Variants in DNMT3A observed in about 807,000 individuals in gnomAD.
The protein encoded by DNMT3A is DNA methyltransferase 3 alpha.
DNMT3A carries 267 observed loss-of-function variants against 117.6 expected under a neutral mutation model. That is an observed-to-expected ratio of 2.27 (90% CI 2.05 to 2.51). The LOEUF is 2.51. DNMT3A is among the 30% of genes most tolerant of loss of function. DNMT3A has a pLI of 0.00. For synonymous variants in DNMT3A, 432 were observed against 474.8 expected, an observed-to-expected ratio of 0.91 and a Z score of 1.17; for missense variants, 1,029 against 1,260.2, an observed-to-expected ratio of 0.82 and a Z score of 2.78.
chr2:25,245,111 T>G (rs1272912494), intron 13 of DNMT3A, 142 bp downstream of exon 13: 5 of 729,548 alleles, frequency 6.9e-6, no homozygotes, highest in South Asian at 1.8e-5. Flanking sequence ...ATCAGGACTC[T>G]GCTTCCAGAG....
At chr2:25,246,130 T>G in intron 11 of DNMT3A, 30 bp downstream of exon 11, 2 of 1,614,050 alleles carry the variant, frequency 1.2e-6, no homozygotes, top group East Asian at 4.5e-5. Context: ...GGCCTCCTGG[T>G]GCCACCCTCT....
intron 1 of DNMT3A, among the ~76,000 whole-genome samples, chr2:25,324,259 C>G (rs2034706220): frequency 1.3e-5 from 2 of 152,198 alleles, no homozygotes; most frequent in African/African-American, 4.8e-5. Flanking sequence ...ATCCTCAATC[C>G]TCAAAACAAT....
At chr2:25,303,192 C>A (rs1191720626) in intron 2 of DNMT3A, among the ~76,000 whole-genome samples, 1 of 152,202 alleles carries the variant, frequency 6.6e-6, no homozygotes, top group African/African-American at 2.4e-5. Context: ...TTATTCTGAA[C>A]TAATCAGAGA....
intron 3 of DNMT3A, among the ~76,000 whole-genome samples, chr2:25,289,600 G>T (rs144447062): frequency 1.3e-5 from 2 of 152,182 alleles, no homozygotes; most frequent in African/African-American, 4.8e-5. Context: ...CTCAGGTACA[G>T]GCGAGGCATT....
At position 25,319,168 on chromosome 2, in the gene DNMT3A, C is replaced by T. The variant is rs374079452; in HGVS notation, c.-177-5007G>A. On this transcript the variant is annotated intron_variant, in intron 1 of 22. Coordinates refer to ENST00000321117, the MANE Select transcript of DNMT3A (RefSeq NM_022552.5). ...TAGCTGGTACTACAGGTGCCCACCA[C>T]CACACCCGGCTAATTTTTTGTATTT... Among the ~76,000 whole-genome samples the T allele has an allele frequency of 5.2e-4, 79 of 151,676 alleles. 1 individual carries two copies. In the South Asian group the frequency reaches 0.016, roughly 31 times the overall value.
rs1290424529 is a variant in DNMT3A at position 25,236,100 on chromosome 2, C to G, written c.2479-275G>C. On this transcript the variant is annotated intron_variant, in intron 21 of 22. Coordinates refer to ENST00000321117, the MANE Select transcript of DNMT3A (RefSeq NM_022552.5). This position sits in a 1 kb window ranked among gnomAD's most constrained non-coding sequence, Gnocchi z 4.5. ...TTTTTTTTTGAGACGGAGTCTCGCT[C>G]TGTCACCCAGGCTGGACTGCAGTGG... is the stretch of plus-strand genomic sequence containing the variant. Among the ~76,000 whole-genome samples, 2 of 151,274 alleles carry G rather than the reference C, an allele frequency of 1.3e-5. No homozygotes were observed. The highest frequency in any genetic ancestry group is 2.9e-5 in the Non-Finnish European group (2 of 67,928).
chr2:25,292,590 C>A (rs1007829443), intron 3 of DNMT3A, among the ~76,000 whole-genome samples: 2 of 152,142 alleles, frequency 1.3e-5, no homozygotes, highest in Non-Finnish European at 2.9e-5. Context: ...GCTCAGCCCG[C>A]CGCACCCGAC....
At chr2:25,341,762 G>T in intron 1 of DNMT3A, 64 bp downstream of exon 1, 1 of 948,756 alleles carries the variant, frequency 1.1e-6, no homozygotes. Context: ...CCCCCCGCCC[G>T]GCTCCCCGGC....
At chr2:25,307,027 C>T (rs1169779443) in intron 2 of DNMT3A, among the ~76,000 whole-genome samples, 1 of 152,172 alleles carries the variant, frequency 6.6e-6, no homozygotes, top group African/African-American at 2.4e-5. Context: ...CTCTCTAAGC[C>T]CCAGTTCCTC....
intron 3 of DNMT3A, among the ~76,000 whole-genome samples, chr2:25,284,442 G>A (rs898212652): frequency 2.6e-5 from 4 of 151,844 alleles, no homozygotes; most frequent in Admixed American, 2.6e-4. Context: ...ATCACCTGAG[G>A]TCAGGAGTTT....
chr2:25,244,325 C>A lies in DNMT3A; in HGVS notation c.1681G>T (p.Glu561Ter). ...NNNCCRCFCV[E>*]CVDLLVGPGA... Reference sequence around the variant, plus strand: ...GGCCCCACCAAGAGGTCCACACACTCCACGCAAAAGCACCTGGAAGGAGAC... The same window carrying A: ...GGCCCCACCAAGAGGTCCACACACTACACGCAAAAGCACCTGGAAGGAGAC... The change falls in exon 15 of 23, where the codon GAG becomes TAG. Residue 561 changes from glutamate (E) to a stop codon, truncating the protein, a stop_gained. Transcript: ENST00000321117. LOFTEE classifies it high-confidence loss of function. 2 of 1,607,458 alleles carry A rather than the reference C, an allele frequency of 1.2e-6. No homozygotes were observed. Among genetic ancestry groups the A allele is most frequent in the Non-Finnish European group, 8.5e-7 (1 of 1,177,166 alleles).
intron 1 of DNMT3A, among the ~76,000 whole-genome samples, chr2:25,332,555 T>A (rs2035054622): frequency 6.6e-6 from 1 of 152,234 alleles, no homozygotes; most frequent in Admixed American, 6.5e-5. Context: ...TGAACATCAT[T>A]TGTGGATCTG....
At chr2:25,325,225 G>A (rs1327593023) in intron 1 of DNMT3A, among the ~76,000 whole-genome samples, 12 of 152,130 alleles carry the variant, frequency 7.9e-5, no homozygotes, top group Admixed American at 5.9e-4. Context: ...ACAGACTTCC[G>A]TAAGGCAGCA....
intron 1 of DNMT3A, among the ~76,000 whole-genome samples, chr2:25,329,673 CCACACACACACACACACACACACACACA>C (rs55905204): frequency 5.1e-5 from 7 of 138,394 alleles, no homozygotes; most frequent in Non-Finnish European, 7.6e-5. Flanking sequence ...CATGCAGACC[CCACACACACACACACACACACACACACA>C]CACACACACA....
Position 25,300,140 on chromosome 2 carries a change from G to T in DNMT3A, c.176C>A (p.Pro59Gln). 1 of 1,612,048 alleles carries T rather than the reference G, an allele frequency of 6.2e-7. No homozygotes were observed. Among genetic ancestry groups the T allele is most frequent in the Non-Finnish European group, 8.5e-7 (1 of 1,179,332 alleles). Residue 59 changes from proline to glutamine, a missense_variant and splice_region_variant, in exon 3 of 23, where the codon CCG (proline) becomes CAG (glutamine). By Grantham distance (76) the Pro-to-Gln change is moderately conservative. Transcript: ENST00000321117. The stretch of plus-strand genomic sequence containing the variant: ...GGGTGTGTAGGATGTGACACTCACC[G>T]GGGGGTGCTTGCGCTTCCTCCCAGG... ...GRPGRKRKHPPVESGDTPKDP... is the reference protein window; with the variant it reads ...GRPGRKRKHPQVESGDTPKDP...
intron 6 of DNMT3A, among the ~76,000 whole-genome samples, chr2:25,265,684 T>C (rs1460842380): frequency 6.6e-6 from 1 of 152,012 alleles, no homozygotes; most frequent in East Asian, 1.9e-4. Context: ...CCGGGTGTGG[T>C]GGCAGGTGCC....
rs987653195 is a variant in DNMT3A at position 25,229,937 on chromosome 2, A to AATT, written c.*4339_*4341dup. 3.9e-5 allele frequency: 6 copies of AATT among 152,200 alleles called. No individual in the cohort carries two copies. Among genetic ancestry groups the AATT allele is most frequent in the African/African-American group, 1.4e-4 (6 of 41,448 alleles). 9.4% of individuals were successfully genotyped at this position (152,200 alleles called of 1,614,324 possible). A position where few individuals can be genotyped will look rare whatever the true frequency, so the allele number is the denominator to read the frequency against. On this transcript the variant is annotated 3_prime_UTR_variant, in exon 23 of 23. Transcript: ENST00000321117. ...CCAGAGTCGCCATGGCCTGGTGGCC[A>AATT]ATTATCGGGAAGCAAGGGGAGCTGG... is the stretch of plus-strand genomic sequence containing the variant.
rs750015920 is a variant in DNMT3A at position 25,282,745 on chromosome 2, T to A, written c.178-34A>T. 13 of 1,506,110 alleles carry A rather than the reference T, an allele frequency of 8.6e-6. No individual in the cohort carries two copies. The highest frequency in any genetic ancestry group is 7.1e-6 in the Non-Finnish European group (8 of 1,127,390). The allele number at this position is 1,506,110 out of a possible 1,614,324, so 93.3% of individuals were successfully genotyped here. A position where few individuals can be genotyped will look rare whatever the true frequency, so the allele number is the denominator to read the frequency against. On this transcript the variant is annotated intron_variant, in intron 3 of 22. Coordinates refer to ENST00000321117, the MANE Select transcript of DNMT3A (RefSeq NM_022552.5). The surrounding 1 kb of genome is among the most constrained non-coding windows in gnomAD (Gnocchi z 5.2). Reference sequence around the variant, plus strand: ...GTAAGAAAGATACACAAGAGGAGGGTTAGATCAGTGGGCTTAGCCTGTTTT... The same window carrying A: ...GTAAGAAAGATACACAAGAGGAGGGATAGATCAGTGGGCTTAGCCTGTTTT...
Position 25,300,261 on chromosome 2 carries a change from G to A in DNMT3A, c.73-18C>T, listed in dbSNP as rs769373878. ...TCTCCGTCCTGCAGGCACAGACACA[G>A]CCTGTGAGGCCAGAGGTGGATCCCA... is the stretch of plus-strand genomic sequence containing the variant. On this transcript the variant is annotated intron_variant, in intron 2 of 22. Transcript: ENST00000321117. The A allele has an allele frequency of 8.7e-6, 14 of 1,602,148 alleles. No individual in the cohort carries two copies. In the Admixed American group the frequency reaches 2.2e-4, roughly 25 times the overall value.
Sources: gnomAD v4.1 joint callset for allele counts (sites outside exome capture counted in the v4.1 genomes callset) on GRCh38, gnomAD v4.1.1 for gene constraint, Gnocchi (gnomAD v3.1) non-coding constraint, MANE v1.5 for transcripts, NCBI Gene and HGNC (gene_info 2026-07-23, HGNC 2026-07-21) for gene names.